PCDHGB1: variants seen among roughly 807,000 people sequenced by gnomAD.
PCDHGB1 encodes the protein protocadherin gamma subfamily B, 1, also known as protocadherin gamma-B1.
In PCDHGB1, 34 loss-of-function variants were observed where a neutral mutation model predicts 56.6. The observed-to-expected ratio is 0.60, with a 90% confidence interval of 0.46 to 0.80. The LOEUF is 0.80. Among genes scored for constraint, PCDHGB1 ranks in the 30% least tolerant of loss-of-function variants. The pLI, the probability that PCDHGB1 is intolerant of heterozygous loss-of-function variation, is 0.00. For synonymous variants in PCDHGB1, 561 were observed against 505.9 expected (o/e 1.11, Z -1.46); for missense variants, 1,278 against 1,204.6 (o/e 1.06, Z -0.90).
chr5:141,409,945 T>C (rs777813706), intron 1 of PCDHGB1: 11 of 1,613,312 alleles, frequency 6.8e-6, no homozygotes, highest in Non-Finnish European at 9.3e-6. Flanking sequence ...TACCTCGCTC[T>C]GCAGAGCCCG....
intron 1 of PCDHGB1, among the ~76,000 whole-genome samples, chr5:141,465,279 C>T (rs975247599): frequency 3.3e-5 from 5 of 152,028 alleles, no homozygotes; most frequent in South Asian, 2.1e-4. Flanking sequence ...TTTAGTTCAC[C>T]CCTAAAGAAC....
intron 1 of PCDHGB1, chr5:141,441,114 T>A (rs1239606502): frequency 6.6e-6 from 1 of 152,218 alleles, no homozygotes; most frequent in Non-Finnish European, 1.5e-5. Context: ...TTGTCCAGTG[T>A]ACAGTTGAGA....
chr5:141,481,622 G>A (rs957374253), intron 1 of PCDHGB1, among the ~76,000 whole-genome samples: 6 of 151,854 alleles, frequency 4.0e-5, no homozygotes, highest in African/African-American at 1.2e-4. Flanking sequence ...GTTCAAGACC[G>A]GCCTGGCCAA....
chr5:141,437,628 T>C (rs2097897572), intron 1 of PCDHGB1, among the ~76,000 whole-genome samples: 1 of 152,212 alleles, frequency 6.6e-6, no homozygotes, highest in African/African-American at 2.4e-5. Context: ...CCATATAAGA[T>C]GTCAGGTTCA....
intron 1 of PCDHGB1, chr5:141,365,631 C>A: frequency 1.9e-6 from 3 of 1,613,644 alleles, no homozygotes; most frequent in Non-Finnish European, 2.5e-6. Context: ...CCCCTCTCTA[C>A]AGAAAGCCAC....
At chr5:141,417,302 G>A (rs1267397415) in intron 1 of PCDHGB1, 1 of 152,270 alleles carries the variant, frequency 6.6e-6, no homozygotes, top group Non-Finnish European at 1.5e-5. Context: ...GCCTCTGGAT[G>A]GAGGAATTGG....
At chr5:141,358,490 C>A (rs552020096) in intron 1 of PCDHGB1, among the ~76,000 whole-genome samples, 3 of 152,260 alleles carry the variant, frequency 2.0e-5, no homozygotes, top group Admixed American at 2.0e-4. Context: ...TTAGATATAA[C>A]TTTAACAGGA....
At chr5:141,427,777 C>A in intron 1 of PCDHGB1, 1 of 1,432,382 alleles carries the variant, frequency 7.0e-7, no homozygotes, top group Non-Finnish European at 9.7e-7. Flanking sequence ...GAGCTGCGGG[C>A]ACTGTCGTCC....
At chr5:141,456,912 G>A (rs566842808) in intron 1 of PCDHGB1, among the ~76,000 whole-genome samples, 2 of 152,206 alleles carry the variant, frequency 1.3e-5, no homozygotes, top group South Asian at 2.1e-4. Context: ...GCAGTGAGCC[G>A]AGATCGCACC....
At chr5:141,362,890 A>T (rs933124427) in intron 1 of PCDHGB1, among the ~76,000 whole-genome samples, 2 of 152,196 alleles carry the variant, frequency 1.3e-5, no homozygotes, top group African/African-American at 4.8e-5. Context: ...TTTTAGTTTT[A>T]CTTCCTCTTA....
chr5:141,405,364 C>G, intron 1 of PCDHGB1: 1 of 1,613,548 alleles, frequency 6.2e-7, no homozygotes, highest in Non-Finnish European at 8.5e-7. Context: ...TAGAAGACAC[C>G]CCTTTGGTTC....
At chr5:141,362,202 G>C in intron 1 of PCDHGB1, 2 of 1,614,078 alleles carry the variant, frequency 1.2e-6, no homozygotes, top group African/African-American at 2.7e-5. Context: ...CAAAACTGCA[G>C]TTTTACCTGG....
intron 1 of PCDHGB1, chr5:141,423,517 T>G (rs750915364): frequency 1.9e-6 from 3 of 1,613,716 alleles, no homozygotes; most frequent in Non-Finnish European, 2.5e-6. Flanking sequence ...CATTGCGGAC[T>G]CGCAGAAGAG....
chr5:141,382,401 A>C (rs1778173427), intron 1 of PCDHGB1, among the ~76,000 whole-genome samples: 1 of 152,232 alleles, frequency 6.6e-6, no homozygotes, highest in Non-Finnish European at 1.5e-5. Context: ...TCCCATGTGC[A>C]ATAACGTGTG....
At chr5:141,398,392 A>AGG in intron 1 of PCDHGB1, 1 of 1,456,392 alleles carries the variant, frequency 6.9e-7, no homozygotes, top group Non-Finnish European at 9.5e-7. Flanking sequence ...TGTGAGCAGC[A>AGG]GGCTAGACAG....
In PCDHGB1 at chr5:141,423,840, A is replaced by G. The variant is rs189449471; in HGVS notation, c.2410-70967A>G. ...CTTTGCCTTTCATGAGATTACGATA[A>G]TCTTTCAGAACGTTTTTGTGAAAGT... On this transcript the variant is annotated intron_variant, in intron 1 of 3. Coordinates refer to ENST00000523390, the MANE Select transcript of PCDHGB1 (RefSeq NM_018922.3). 1,637 of 1,279,840 alleles carry G rather than the reference A, an allele frequency of 1.3e-3. 3 individuals carry two copies. The highest frequency in any genetic ancestry group is 1.5e-3 in the Non-Finnish European group (1,519 of 1,009,392). 79.3% of individuals were successfully genotyped at this position (1,279,840 alleles called of 1,614,324 possible).
chr5:141,491,493 G>A lies in PCDHGB1; in HGVS notation c.2410-3314G>A, dbSNP rs1008591563. On this transcript the variant is annotated intron_variant, in intron 1 of 3. Transcript: ENST00000523390. This position sits in a 1 kb window ranked among gnomAD's most constrained non-coding sequence, Gnocchi z 6.9. ...AGCAGTCCAGCCCCAACCTGCAGGT[G>A]AGCTCGGACGGCACGCTCAAGTACA... 6.2e-7 allele frequency: 1 copy of A among 1,614,000 alleles called. No homozygotes were observed. Among genetic ancestry groups the A allele is most frequent in the African/African-American group, 1.3e-5 (1 of 74,928 alleles).
chr5:141,388,861 T>C lies in PCDHGB1; in HGVS notation c.2409+36192T>C, dbSNP rs1487226750. 7 of 1,613,872 alleles carry C rather than the reference T, an allele frequency of 4.3e-6. No homozygotes were observed. The East Asian group carries it at 1.1e-4, about 26-fold the overall frequency. On this transcript the variant is annotated intron_variant, in intron 1 of 3. Transcript: ENST00000523390. ...GAAGCAAGGGACGGTGGAGGAATGATTGCGCAATGCACAGTGGAGGTAGAA... is the reference window on the plus strand; with the variant it reads ...GAAGCAAGGGACGGTGGAGGAATGACTGCGCAATGCACAGTGGAGGTAGAA...
intron 1 of PCDHGB1, among the ~76,000 whole-genome samples, chr5:141,386,853 G>C (rs932816835): frequency 2.0e-5 from 3 of 152,230 alleles, no homozygotes; most frequent in African/African-American, 4.8e-5. Context: ...ACTAAACTCA[G>C]TGAGCTATTG....
Sources: allele counts gnomAD v4.1 joint callset (sites outside exome capture counted in the v4.1 genomes callset), GRCh38; gene constraint gnomAD v4.1.1; non-coding constraint Gnocchi (gnomAD v3.1); transcripts MANE v1.5; gene names NCBI Gene and HGNC (gene_info 2026-07-23, HGNC 2026-07-21).